The following SAMD4A variants were observed in gnomAD, a reference collection of about 807,000 sequenced individuals.
The protein encoded by SAMD4A is protein Smaug homolog 1.
Under a neutral mutation model 81.3 loss-of-function variants are expected in SAMD4A, and 33 were observed. That is an observed-to-expected ratio of 0.41 (90% confidence interval 0.31 to 0.54). The LOEUF is 0.54. SAMD4A is among the 20% of genes least tolerant of loss of function. The probability of loss-of-function intolerance (pLI) is 0.37; values close to 1 mark genes in which losing one functional copy is unlikely to be tolerated. For missense variants in SAMD4A, 854 were observed against 951.1 expected (o/e 0.90, Z 1.34); for synonymous variants, 389 against 382.1 (o/e 1.02, Z -0.21).
chr14:54,674,182 C>G (rs761969851), intron 2 of SAMD4A, among the ~76,000 whole-genome samples: 1 of 152,198 alleles, frequency 6.6e-6, no homozygotes, highest in Non-Finnish European at 1.5e-5. Flanking sequence ...CCTGCAGAGT[C>G]GGCAAGAAGC....
At position 54,687,728 on chromosome 14, in the gene SAMD4A, G is replaced by A. The variant is rs1166488756; in HGVS notation, c.197-14334G>A. ...CATGATTTGGGGCAAGTGTCTCTGC[G>A]CCTTGGTGTCCCCTAAGTGCCGTAT... On this transcript the variant is annotated intron_variant, in intron 2 of 12. Coordinates refer to ENST00000554335, the MANE Select transcript of SAMD4A (RefSeq NM_015589.6). Among the ~76,000 whole-genome samples the A allele has an allele frequency of 3.3e-5, 5 of 152,316 alleles. No homozygotes were observed. The East Asian group carries it at 5.8e-4, about 18-fold the overall frequency.
intron 5 of SAMD4A, among the ~76,000 whole-genome samples, chr14:54,749,532 A>G (rs188210923): frequency 6.6e-6 from 1 of 152,338 alleles, no homozygotes; most frequent in East Asian, 1.9e-4. Flanking sequence ...TGAGACAATC[A>G]TTGAGAATGA....
intron 2 of SAMD4A, among the ~76,000 whole-genome samples, chr14:54,581,936 T>C (rs1299128481): frequency 6.6e-6 from 1 of 152,232 alleles, no homozygotes; most frequent in Admixed American, 6.5e-5. Flanking sequence ...CAAGCGTTCG[T>C]TGGAAAAAGA....
intron 3 of SAMD4A, among the ~76,000 whole-genome samples, chr14:54,735,496 C>A (rs545493046): frequency 1.2e-4 from 19 of 152,310 alleles, no homozygotes; most frequent in African/African-American, 4.6e-4. Flanking sequence ...CTTTTGTCCT[C>A]CCTTTTCATT....
At chr14:54,692,446 C>T (rs1251220080) in intron 2 of SAMD4A, among the ~76,000 whole-genome samples, 1 of 152,162 alleles carries the variant, frequency 6.6e-6, no homozygotes, top group Admixed American at 6.5e-5. Flanking sequence ...AATATTATTG[C>T]AGTTAGGTTA....
chr14:54,731,337 A>G (rs1050557538), intron 3 of SAMD4A, among the ~76,000 whole-genome samples: 1 of 152,188 alleles, frequency 6.6e-6, no homozygotes, highest in African/African-American at 2.4e-5. Context: ...TTCTTTGGGG[A>G]ATGAGCCTAG....
At chr14:54,704,771 A>G (rs548369748) in intron 3 of SAMD4A, among the ~76,000 whole-genome samples, 8 of 152,348 alleles carry the variant, frequency 5.3e-5, no homozygotes, top group African/African-American at 1.9e-4. Flanking sequence ...TCAAACACTC[A>G]TGACCATATC....
intron 2 of SAMD4A, among the ~76,000 whole-genome samples, chr14:54,592,799 A>G (rs1174262445): frequency 6.6e-6 from 1 of 152,308 alleles, no homozygotes; most frequent in Admixed American, 6.5e-5. Context: ...TAAAAGAAGA[A>G]AATCATCATC....
At chr14:54,704,101 T>G (rs959243252) in intron 3 of SAMD4A, among the ~76,000 whole-genome samples, 75 of 152,212 alleles carry the variant, frequency 4.9e-4, no homozygotes, top group African/African-American at 1.8e-3. Flanking sequence ...GCTTTTCCAT[T>G]TAGATATGGT....
At chr14:54,707,841 G>T (rs1401537000) in intron 3 of SAMD4A, among the ~76,000 whole-genome samples, 1 of 152,100 alleles carries the variant, frequency 6.6e-6, no homozygotes, top group African/African-American at 2.4e-5. Context: ...AAACAGGAAG[G>T]CAGACTTGCT....
At chr14:54,742,940 A>T (rs1208022658) in intron 4 of SAMD4A, among the ~76,000 whole-genome samples, 1 of 152,208 alleles carries the variant, frequency 6.6e-6, no homozygotes, top group Admixed American at 6.5e-5. Context: ...TTCTCTCTGT[A>T]GTAAAGGAAA....
At chr14:54,577,644 A>G (rs1405134522) in intron 2 of SAMD4A, among the ~76,000 whole-genome samples, 3 of 152,210 alleles carry the variant, frequency 2.0e-5, no homozygotes, top group Non-Finnish European at 4.4e-5. Flanking sequence ...CAAAGCCACT[A>G]AACTCTGTAA....
At chr14:54,707,463 C>CT (rs529330480) in intron 3 of SAMD4A, among the ~76,000 whole-genome samples, 23 of 152,178 alleles carry the variant, frequency 1.5e-4, no homozygotes, top group African/African-American at 5.3e-4. Context: ...TATTGAGTGC[C>CT]TACTGTTGTG....
At chr14:54,723,907 C>T (rs2037327412) in intron 3 of SAMD4A, among the ~76,000 whole-genome samples, 1 of 152,058 alleles carries the variant, frequency 6.6e-6, no homozygotes, top group African/African-American at 2.4e-5. Flanking sequence ...AGCATCTTCC[C>T]ATACATCATT....
At chr14:54,580,819 A>G (rs1261313624) in intron 2 of SAMD4A, among the ~76,000 whole-genome samples, 2 of 152,250 alleles carry the variant, frequency 1.3e-5, no homozygotes, top group Admixed American at 1.3e-4. Context: ...TGTGTCTAGC[A>G]CATAGGTGAT....
chr14:54,588,564 G>A (rs566978337), intron 2 of SAMD4A, among the ~76,000 whole-genome samples: 121 of 152,056 alleles, frequency 8.0e-4, no homozygotes, highest in Non-Finnish European at 1.4e-3. Flanking sequence ...GCCAATGAGT[G>A]CTCCTGTGAA....
At chr14:54,737,517 A>G (rs2037726271) in intron 4 of SAMD4A, among the ~76,000 whole-genome samples, 1 of 142,578 alleles carries the variant, frequency 7.0e-6, no homozygotes, top group African/African-American at 2.6e-5. Flanking sequence ...AGAGTAAGAG[A>G]GGTCAACCCA....
At chr14:54,680,891 G>A (rs981361373) in intron 2 of SAMD4A, among the ~76,000 whole-genome samples, 7 of 152,322 alleles carry the variant, frequency 4.6e-5, no homozygotes, top group South Asian at 4.1e-4. Flanking sequence ...CCTGCCAGCG[G>A]AGCCAGAGAG....
intron 2 of SAMD4A, among the ~76,000 whole-genome samples, chr14:54,626,109 A>G (rs1374958628): frequency 4.0e-5 from 6 of 151,438 alleles, no homozygotes; most frequent in Admixed American, 6.6e-5. Context: ...AGGGACAGAA[A>G]GAGACATCTT....
Sources: allele counts gnomAD v4.1 joint callset (sites outside exome capture counted in the v4.1 genomes callset), GRCh38; gene constraint gnomAD v4.1.1; transcripts MANE v1.5; gene names NCBI Gene and HGNC (gene_info 2026-07-23, HGNC 2026-07-21).